Variants in LATS1 observed in about 807,000 individuals in gnomAD.
The protein encoded by LATS1 is serine/threonine-protein kinase LATS1.
Under a neutral mutation model 106.6 loss-of-function variants are expected in LATS1, and 25 were observed. The observed-to-expected ratio is 0.23, with a 90% CI of 0.17 to 0.33. The LOEUF (loss-of-function observed/expected upper bound fraction) is 0.33. LATS1 is among the 10% of genes least tolerant of loss of function. The pLI is 1.00. For missense variants in LATS1, 1,040 were observed against 1,382.6 expected (o/e 0.75, Z 3.93); for synonymous variants, 465 against 455.6 (o/e 1.02, Z -0.26).
intron 7 of LATS1, among the ~76,000 whole-genome samples, chr6:149,666,892 A>T (rs557276637): frequency 5.3e-5 from 8 of 150,902 alleles, no homozygotes; most frequent in African/African-American, 1.9e-4. Context: ...TGCAGTGAGC[A>T]GAGATTGAGC....
Position 149,683,745 on chromosome 6 carries a change from C to A in LATS1, c.1344G>T (p.Gly448=), listed in dbSNP as rs1488990126. ...SAPAQSSPSS[G]HEIPTWQPNI... ...TAGGTTGCCATGTAGGGATTTCATG[C>A]CCACTGCTCGGGGATGACTGGGCTG... The change falls in exon 4 of 8, where the codon GGG becomes GGT. Residue 448 remains glycine (G), a synonymous_variant. Transcript: ENST00000543571. 1 of 1,613,904 alleles carries A rather than the reference C, an allele frequency of 6.2e-7. No individual in the cohort carries two copies.
At chr6:149,715,210 A>T (rs923875817) in intron 1 of LATS1, among the ~76,000 whole-genome samples, 5 of 152,098 alleles carry the variant, frequency 3.3e-5, no homozygotes, top group Non-Finnish European at 5.9e-5. Flanking sequence ...CTGGGACTAC[A>T]GACCCGCGCT....
intron 5 of LATS1, among the ~76,000 whole-genome samples, chr6:149,678,926 G>C (rs942004381): frequency 6.6e-5 from 10 of 152,122 alleles, no homozygotes; most frequent in Admixed American, 6.6e-4. Context: ...TTGTGTAACA[G>C]TCATGTAATG....
chr6:149,680,360 G>A lies in LATS1; in HGVS notation c.2108C>T (p.Ser703Phe). The change falls in exon 5 of 8, where the codon TCT becomes TTT. Residue 703 changes from serine (S) to phenylalanine (F), a missense_variant. By Grantham distance (155) the Ser-to-Phe change is radical (BLOSUM62 -2). Transcript: ENST00000543571. ...IRLKRAKMDK[S>F]MFVKIKTLGI... ...TAGTGTCTTTATCTTCACAAACATA[G>A]ACTTGTCCATTTTAGCCCTTTTAAG... 1.2e-6 allele frequency: 2 copies of A among 1,613,840 alleles called. No homozygotes were observed.
chr6:149,678,020 A>AAG (rs1171146731), intron 5 of LATS1, among the ~76,000 whole-genome samples: 3 of 47,774 alleles, frequency 6.3e-5, no homozygotes, highest in African/African-American at 3.5e-4. Context: ...CTCCGTCTCA[A>AAG]AAAAAAAAAA....
chr6:149,694,216 A>G (rs1169984711), intron 3 of LATS1, among the ~76,000 whole-genome samples: 2 of 152,236 alleles, frequency 1.3e-5, no homozygotes, highest in Non-Finnish European at 2.9e-5. Context: ...ATGTACAAAG[A>G]TTTAGCTATA....
At chr6:149,708,677 A>G (rs573117791) in intron 1 of LATS1, among the ~76,000 whole-genome samples, 7 of 152,252 alleles carry the variant, frequency 4.6e-5, no homozygotes, top group African/African-American at 1.7e-4. Context: ...ATGACAATGT[A>G]GGTTACATTC....
intron 2 of LATS1, among the ~76,000 whole-genome samples, chr6:149,697,476 C>T (rs1398255472): frequency 1.3e-5 from 2 of 151,974 alleles, no homozygotes; most frequent in African/African-American, 2.4e-5. Flanking sequence ...ATCTTTAAGA[C>T]GTTGAGCTAA....
At chr6:149,694,694 C>A (rs887615586) in intron 3 of LATS1, among the ~76,000 whole-genome samples, 1 of 151,764 alleles carries the variant, frequency 6.6e-6, no homozygotes, top group African/African-American at 2.4e-5. Flanking sequence ...TTATTAACAG[C>A]GATGTTTGTA....
chr6:149,691,867 T>C (rs2114882749), intron 3 of LATS1, among the ~76,000 whole-genome samples: 1 of 152,254 alleles, frequency 6.6e-6, no homozygotes, highest in Non-Finnish European at 1.5e-5. Flanking sequence ...ATGTAGGGTA[T>C]TATCATCCAT....
chr6:149,674,605 C>A (rs1211595127), intron 7 of LATS1, among the ~76,000 whole-genome samples: 1 of 147,088 alleles, frequency 6.8e-6, no homozygotes, highest in Non-Finnish European at 1.5e-5. Flanking sequence ...AACTCCTGGG[C>A]TCAAGTGATC....
In LATS1 at chr6:149,659,526, C is replaced by T. The variant is rs764709863; in HGVS notation, c.*2203G>A. On this transcript the variant is annotated 3_prime_UTR_variant, in exon 8 of 8. Transcript: ENST00000543571. ...TTACATTTCAGCAATAGGGGGAATA[C>T]AGATTTTGTGGGAAGGGAAGGGGGA... The T allele has an allele frequency of 1.5e-4, 34 of 229,650 alleles. No individual in the cohort carries two copies. The highest frequency in any genetic ancestry group is 1.7e-5 in the Non-Finnish European group (2 of 116,000). 14.2% of individuals were successfully genotyped at this position (229,650 alleles called of 1,614,324 possible).
intron 3 of LATS1, among the ~76,000 whole-genome samples, chr6:149,686,585 T>C (rs969043921): frequency 3.3e-5 from 5 of 152,226 alleles, no homozygotes; most frequent in African/African-American, 1.2e-4. Flanking sequence ...CTGCTGATAC[T>C]ACTTTCCTTT....
chr6:149,682,994 G>T, intron 4 of LATS1, 85 bp downstream of exon 4: 1 of 1,087,288 alleles, frequency 9.2e-7, no homozygotes, highest in Non-Finnish European at 1.3e-6. Context: ...TAAAAAGAAA[G>T]AAAAATACTG....
intron 1 of LATS1, among the ~76,000 whole-genome samples, chr6:149,711,838 G>C (rs1237092295): frequency 6.6e-6 from 1 of 152,178 alleles, no homozygotes; most frequent in Non-Finnish European, 1.5e-5. Flanking sequence ...TCAGATTATA[G>C]ATCAGCATTT....
At chr6:149,709,902 C>T (rs1457326879) in intron 1 of LATS1, among the ~76,000 whole-genome samples, 1 of 151,960 alleles carries the variant, frequency 6.6e-6, no homozygotes, top group South Asian at 2.1e-4. Context: ...TCTTGAACTC[C>T]TGACCTCGTG....
chr6:149,695,672 CT>C (rs1783020217), intron 2 of LATS1, among the ~76,000 whole-genome samples: 1 of 108,618 alleles, frequency 9.2e-6, no homozygotes. Context: ...GAGATGCTGT[CT>C]TGGAAAAAAA....
At chr6:149,696,933 TA>T (rs1783127133) in intron 2 of LATS1, among the ~76,000 whole-genome samples, 1 of 152,142 alleles carries the variant, frequency 6.6e-6, no homozygotes, top group African/African-American at 2.4e-5. Flanking sequence ...GAGGATTAAA[TA>T]AGAAAACATG....
chr6:149,709,349 C>T (rs1358622698), intron 1 of LATS1, among the ~76,000 whole-genome samples: 2 of 152,140 alleles, frequency 1.3e-5, no homozygotes, highest in Admixed American at 6.6e-5. Flanking sequence ...GATGGCAGGC[C>T]CTGAAAGAAA....
Sources: allele counts gnomAD v4.1 joint callset (sites outside exome capture counted in the v4.1 genomes callset), GRCh38; gene constraint gnomAD v4.1.1; transcripts MANE v1.5; gene names NCBI Gene and HGNC (gene_info 2026-07-23, HGNC 2026-07-21).